MAGI2: variants seen among roughly 807,000 people sequenced by gnomAD.
MAGI2 encodes membrane associated guanylate kinase, WW and PDZ domain containing 2, also known as membrane-associated guanylate kinase, WW and PDZ domain-containing protein 2.
MAGI2 carries 35 observed loss-of-function variants against 133.3 expected under a neutral mutation model. That is an observed-to-expected ratio of 0.26 (90% confidence interval 0.20 to 0.35). The LOEUF (loss-of-function observed/expected upper bound fraction) is 0.35. Among genes scored for constraint, MAGI2 ranks in the 10% least tolerant of loss-of-function variants. MAGI2 has a pLI of 1.00. For synonymous variants in MAGI2, 729 were observed against 710.6 expected (o/e 1.03, Z -0.41); for missense variants, 1,636 against 1,863.4 (o/e 0.88, Z 2.25).
chr7:78,884,701 A>T (rs1796132485), intron 2 of MAGI2, among the ~76,000 whole-genome samples: 1 of 152,200 alleles, frequency 6.6e-6, no homozygotes, highest in South Asian at 2.1e-4. Context: ...GAGAAAAGGG[A>T]ATGGTTATAC....
intron 10 of MAGI2, among the ~76,000 whole-genome samples, chr7:78,208,026 T>G (rs1387285157): frequency 6.6e-6 from 1 of 151,874 alleles, no homozygotes; most frequent in Admixed American, 6.6e-5. Context: ...CCCACCACCA[T>G]GCCCGGCTAA....
At chr7:79,136,238 A>G (rs1258680669) in intron 1 of MAGI2, among the ~76,000 whole-genome samples, 1 of 152,214 alleles carries the variant, frequency 6.6e-6, no homozygotes, top group Non-Finnish European at 1.5e-5. Flanking sequence ...TCCTATTTCC[A>G]TCCAACACTA....
intron 2 of MAGI2, among the ~76,000 whole-genome samples, chr7:78,939,345 G>A (rs1176496795): frequency 6.6e-6 from 1 of 152,096 alleles, no homozygotes; most frequent in Non-Finnish European, 1.5e-5. Flanking sequence ...TGGAAGAGGT[G>A]GCATTTGAGA....
chr7:78,602,882 T>C (rs2150883718), intron 3 of MAGI2, among the ~76,000 whole-genome samples: 1 of 152,356 alleles, frequency 6.6e-6, no homozygotes, highest in African/African-American at 2.4e-5. Flanking sequence ...ACTTTGTTTA[T>C]AAGATTTTAT....
chr7:79,097,304 C>T (rs1019261766), intron 1 of MAGI2, among the ~76,000 whole-genome samples: 3 of 152,114 alleles, frequency 2.0e-5, no homozygotes, highest in African/African-American at 7.2e-5. Flanking sequence ...CAGTTGTTTC[C>T]TTATCATAAA....
At chr7:78,362,384 G>T (rs1792918035) in intron 7 of MAGI2, among the ~76,000 whole-genome samples, 2 of 152,156 alleles carry the variant, frequency 1.3e-5, no homozygotes, top group Admixed American at 1.3e-4. Context: ...TATTGGGAAA[G>T]AAATCAAGAG....
At chr7:79,027,579 G>C (rs1461986626) in intron 1 of MAGI2, among the ~76,000 whole-genome samples, 1 of 151,908 alleles carries the variant, frequency 6.6e-6, no homozygotes, top group Non-Finnish European at 1.5e-5. Context: ...AAATCTCCGT[G>C]AAATAGAAAT....
chr7:78,511,690 G>C (rs1015490402), intron 4 of MAGI2, among the ~76,000 whole-genome samples: 3 of 150,422 alleles, frequency 2.0e-5, no homozygotes, highest in African/African-American at 7.3e-5. Flanking sequence ...TTATCTTTGT[G>C]ACCCTTCAGA....
At chr7:79,336,969 G>C (rs1840481253) in intron 1 of MAGI2, among the ~76,000 whole-genome samples, 1 of 148,652 alleles carries the variant, frequency 6.7e-6, no homozygotes, top group Admixed American at 6.8e-5. Flanking sequence ...AGGGACTTCT[G>C]TTAATTACAT....
At chr7:78,838,398 C>T (rs1425382925) in intron 2 of MAGI2, among the ~76,000 whole-genome samples, 1 of 152,018 alleles carries the variant, frequency 6.6e-6, no homozygotes, top group Non-Finnish European at 1.5e-5. Context: ...ATACATATCA[C>T]TGTTACACCA....
chr7:78,565,552 G>A (rs541962421), intron 3 of MAGI2, among the ~76,000 whole-genome samples: 7 of 151,148 alleles, frequency 4.6e-5, no homozygotes, highest in South Asian at 2.1e-4. Context: ...CTTAATAACT[G>A]TTCATCTAGG....
chr7:78,458,721 G>A (rs184544689), intron 6 of MAGI2, among the ~76,000 whole-genome samples: 152 of 151,038 alleles, frequency 1.0e-3, no homozygotes, highest in African/African-American at 3.4e-3. Context: ...TGCAAGCTCC[G>A]CCTCCTGGGT....
intron 2 of MAGI2, among the ~76,000 whole-genome samples, chr7:78,919,306 C>T (rs1442375096): frequency 6.6e-6 from 1 of 151,950 alleles, no homozygotes. Flanking sequence ...TGTATGAATT[C>T]ATTAATATAG....
chr7:79,206,720 G>A (rs1829090662), intron 1 of MAGI2, among the ~76,000 whole-genome samples: 1 of 151,542 alleles, frequency 6.6e-6, no homozygotes, highest in Non-Finnish European at 1.5e-5. Context: ...ATTTTATGTG[G>A]CCAGTACCAC....
intron 2 of MAGI2, among the ~76,000 whole-genome samples, chr7:78,713,267 A>G (rs912554781): frequency 6.6e-6 from 1 of 152,132 alleles, no homozygotes; most frequent in African/African-American, 2.4e-5. Context: ...GTGCTAATTA[A>G]ATAATTCATT....
At chr7:78,917,242 T>G (rs546357671) in intron 2 of MAGI2, among the ~76,000 whole-genome samples, 36 of 151,950 alleles carry the variant, frequency 2.4e-4, no homozygotes, top group South Asian at 1.0e-3. Context: ...AAAAAGGAAG[T>G]AGAGTAAGAG....
At chr7:79,124,363 A>C (rs1251410187) in intron 1 of MAGI2, among the ~76,000 whole-genome samples, 1 of 152,194 alleles carries the variant, frequency 6.6e-6, no homozygotes, top group Non-Finnish European at 1.5e-5. Context: ...TTCATTGCTC[A>C]TGTACTCAAA....
chr7:78,129,763 C>T (rs906669471), intron 18 of MAGI2, among the ~76,000 whole-genome samples: 5 of 151,838 alleles, frequency 3.3e-5, no homozygotes, highest in African/African-American at 1.2e-4. Flanking sequence ...TGGAGAAACC[C>T]CGTCTCTACT....
In MAGI2 at chr7:78,019,873, T is replaced by C; in HGVS notation, c.3810A>G (p.Pro1270=). ...GGTGGGAAGGGTCGGAGGGTGGGGC[T>C]GGATGTGATGGAGAGAATGGAGCGA... ...DGLAPFSPSH[P]APPSDPSHQI... Residue 1270 remains proline, a synonymous_variant, in exon 22 of 22, where the codon CCA becomes CCG. Transcript: ENST00000354212. 3 of 1,613,066 alleles carry C rather than the reference T, an allele frequency of 1.9e-6. No individual in the cohort carries two copies. The highest frequency in any genetic ancestry group is 2.5e-6 in the Non-Finnish European group (3 of 1,179,730).
Sources: gnomAD v4.1 joint callset for allele counts (sites outside exome capture counted in the v4.1 genomes callset) on GRCh38, gnomAD v4.1.1 for gene constraint, MANE v1.5 for transcripts, NCBI Gene and HGNC (gene_info 2026-07-23, HGNC 2026-07-21) for gene names.